The following PHF24 variants were observed in gnomAD, a reference collection of about 807,000 sequenced individuals.
PHF24 encodes PHD finger protein 24.
PHF24 carries 25 observed loss-of-function variants against 42.6 expected under a neutral mutation model. That is an observed-to-expected ratio of 0.59 (90% CI 0.43 to 0.82). The LOEUF (loss-of-function observed/expected upper bound fraction) is 0.82. Among genes scored for constraint, PHF24 ranks in the 40% least tolerant of loss-of-function variants. The probability of loss-of-function intolerance (pLI) is 0.00; values close to 1 mark genes in which losing one functional copy is unlikely to be tolerated. For synonymous variants in PHF24, 185 were observed against 204.8 expected, an observed-to-expected ratio of 0.90 and a Z score of 0.83; for missense variants, 470 against 538.1, an observed-to-expected ratio of 0.87 and a Z score of 1.25.
chr9:34,875,060 T>A, the PHF24 span, among the ~76,000 whole-genome samples: 1 of 152,188 alleles, frequency 6.6e-6, no homozygotes, highest in Non-Finnish European at 1.5e-5. Context: ...GTCTTATTAA[T>A]TAATTCTATC....
intron 3 of PHF24, among the ~76,000 whole-genome samples, chr9:34,973,123 G>A (rs1353717048): frequency 6.6e-6 from 1 of 152,104 alleles, no homozygotes; most frequent in Admixed American, 6.5e-5. Flanking sequence ...ATCACCCCCG[G>A]TAGAGAACCT....
the PHF24 span, chr9:34,681,403 G>A: frequency 1.9e-5 from 2 of 106,592 alleles, no homozygotes; most frequent in Admixed American, 1.3e-4. Context: ...CCAATATCTT[G>A]GATTTAGAAG....
chr9:34,855,609 C>A, the PHF24 span, among the ~76,000 whole-genome samples: 3 of 152,214 alleles, frequency 2.0e-5, no homozygotes, highest in African/African-American at 7.2e-5. Flanking sequence ...GGCCCCCAAT[C>A]TCTTCTGGCT....
the PHF24 span, among the ~76,000 whole-genome samples, chr9:34,706,462 TGG>T: frequency 6.6e-6 from 1 of 152,206 alleles, no homozygotes; most frequent in Non-Finnish European, 1.5e-5. Context: ...ATAAACCTTT[TGG>T]TACTTTTGGA....
the PHF24 span, among the ~76,000 whole-genome samples, chr9:34,847,609 T>G: frequency 3.3e-5 from 5 of 151,910 alleles, no homozygotes; most frequent in Admixed American, 2.6e-4. Flanking sequence ...TCCTGCCTAA[T>G]TGCCCTGGCC....
chr9:34,723,189 C>A, the PHF24 span: 1 of 1,533,270 alleles, frequency 6.5e-7, no homozygotes, highest in Non-Finnish European at 8.8e-7. Flanking sequence ...TGCATGTTCT[C>A]CTTGAGCGGA....
chr9:34,870,425 A>AT, the PHF24 span, among the ~76,000 whole-genome samples: 1 of 152,022 alleles, frequency 6.6e-6, no homozygotes, highest in Admixed American at 6.6e-5. Context: ...CTATTCATTC[A>AT]TCCCTCCCCG....
chr9:34,819,241 C>T, the PHF24 span, among the ~76,000 whole-genome samples: 1 of 151,954 alleles, frequency 6.6e-6, no homozygotes, highest in Non-Finnish European at 1.5e-5. Context: ...TTTCTGATTT[C>T]ATTAAGATTC....
the PHF24 span, among the ~76,000 whole-genome samples, chr9:34,951,889 G>C: frequency 1.3e-5 from 2 of 152,158 alleles, no homozygotes; most frequent in Non-Finnish European, 2.9e-5. Flanking sequence ...GCACCTTGAG[G>C]CTTTCTTAAC....
the PHF24 span, among the ~76,000 whole-genome samples, chr9:34,864,925 C>G: frequency 6.6e-6 from 1 of 150,692 alleles, no homozygotes; most frequent in South Asian, 2.1e-4. Context: ...GCCTGTAATC[C>G]CAGCACTTTG....
At chr9:34,765,006 G>C in the PHF24 span, among the ~76,000 whole-genome samples, 1 of 152,116 alleles carries the variant, frequency 6.6e-6, no homozygotes, top group African/African-American at 2.4e-5. Flanking sequence ...GTAGTTGAGA[G>C]GTTTTAAGTG....
the PHF24 span, chr9:34,723,442 C>T: frequency 1.2e-3 from 1,900 of 1,551,692 alleles, 3 homozygotes; most frequent in Non-Finnish European, 1.5e-3. Flanking sequence ...TCGGCTTCTC[C>T]GTCTTACTTC....
At chr9:34,778,478 T>C in the PHF24 span, among the ~76,000 whole-genome samples, 1 of 152,206 alleles carries the variant, frequency 6.6e-6, no homozygotes, top group Non-Finnish European at 1.5e-5. Flanking sequence ...TGGGTTATAC[T>C]GGTCTCAGAC....
the PHF24 span, among the ~76,000 whole-genome samples, chr9:34,919,057 TAATA>T: frequency 6.6e-6 from 1 of 152,202 alleles, no homozygotes; most frequent in African/African-American, 2.4e-5. Flanking sequence ...TTTCTTAAAT[TAATA>T]AATTTTATTC....
the PHF24 span, among the ~76,000 whole-genome samples, chr9:34,902,448 A>C: frequency 6.6e-6 from 1 of 152,176 alleles, no homozygotes; most frequent in Non-Finnish European, 1.5e-5. Context: ...CAGGAGTTCA[A>C]GACCAGCCTG....
At chr9:34,889,000 A>C in the PHF24 span, 1 of 398,192 alleles carries the variant, frequency 2.5e-6, no homozygotes, top group Middle Eastern at 6.3e-4. Flanking sequence ...AGTACTTTTT[A>C]GGTCCTTTAC....
chr9:34,964,593 C>T (rs760353944), intron 1 of PHF24, among the ~76,000 whole-genome samples: 21 of 152,180 alleles, frequency 1.4e-4, no homozygotes, highest in Non-Finnish European at 2.6e-4. Flanking sequence ...AGAGCAGCCC[C>T]TCCTCCTCTT....
the PHF24 span, among the ~76,000 whole-genome samples, chr9:34,690,853 G>A: frequency 6.6e-6 from 1 of 152,202 alleles, no homozygotes; most frequent in Non-Finnish European, 1.5e-5. Context: ...GACAGTCACA[G>A]CCATAGGCCC....
the PHF24 span, among the ~76,000 whole-genome samples, chr9:34,752,081 G>A: frequency 6.6e-6 from 1 of 152,022 alleles, no homozygotes; most frequent in African/African-American, 2.4e-5. Flanking sequence ...ATAGCTATTA[G>A]TGCCTACATC....
Sources: gnomAD v4.1 joint callset for allele counts (sites outside exome capture counted in the v4.1 genomes callset) on GRCh38, gnomAD v4.1.1 for gene constraint, MANE v1.5 for transcripts, NCBI Gene and HGNC (gene_info 2026-07-23, HGNC 2026-07-21) for gene names.